Variants in C3 observed in about 807,000 individuals in gnomAD.
C3 encodes the protein complement C3.
Under a neutral mutation model 207.9 loss-of-function variants are expected in C3, and 97 were observed. The observed-to-expected ratio is 0.47, with a 90% CI of 0.40 to 0.55. The LOEUF (loss-of-function observed/expected upper bound fraction) is 0.55. Ranked by LOEUF, C3 falls within the 20% of genes least tolerant of loss-of-function variation. C3 has a pLI of 0.00. For missense variants in C3, 1,684 were observed against 2,171.7 expected, an observed-to-expected ratio of 0.78 and a Z score of 4.46; for synonymous variants, 848 against 857.6, an observed-to-expected ratio of 0.99 and a Z score of 0.20.
Position 6,707,544 on chromosome 19 carries a change from G to C in C3, c.1976-7C>G. On this transcript the variant is annotated splice_region_variant and splice_polypyrimidine_tract_variant and intron_variant, in intron 15 of 40. Coordinates refer to ENST00000245907, the MANE Select transcript of C3 (RefSeq NM_000064.4). ...GGCTGCGGGCACTGAAGTTCTGCAG[G>C]GCAGGCGGACCGAGAAGAAGATGGA... is the stretch of plus-strand genomic sequence containing the variant. 6.2e-7 allele frequency: 1 copy of C among 1,614,030 alleles called. No homozygotes were observed. The highest frequency in any genetic ancestry group is 1.1e-5 in the South Asian group (1 of 91,080).
chr19:6,684,980 G>A lies in C3; in HGVS notation c.3969+8C>T. 4 of 1,613,478 alleles carry A rather than the reference G, an allele frequency of 2.5e-6. No homozygotes were observed. The highest frequency in any genetic ancestry group is 3.4e-6 in the Non-Finnish European group (4 of 1,180,002). ...CAGAGTGAGGAGGGCTTGGCTGGGT[G>A]ACTGTACCTCTTCTGATCGCAGGAG... On this transcript the variant is annotated splice_region_variant and intron_variant, in intron 30 of 40. Transcript: ENST00000245907.
chr19:6,682,164 G>A lies in C3; in HGVS notation c.4238C>T (p.Pro1413Leu). 2 of 1,613,984 alleles carry A rather than the reference G, an allele frequency of 1.2e-6. No homozygotes were observed. Among genetic ancestry groups the A allele is most frequent in the Non-Finnish European group, 1.7e-6 (2 of 1,179,876 alleles). ...LDISMMTGFA[P>L]DTDDLKQLAN... ...TACCTGCTTCAGGTCATCTGTGTCTGGAGCAAAGCCAGTCATCATGGATAT... is the reference window on the plus strand; with the variant it reads ...TACCTGCTTCAGGTCATCTGTGTCTAGAGCAAAGCCAGTCATCATGGATAT... Residue 1413 changes from proline (P) to leucine (L), a missense_variant, in exon 34 of 41, where the codon CCA (proline) becomes CTA (leucine). Physicochemically the swap from Pro to Leu is moderately conservative, Grantham distance 98 (BLOSUM62 -3). Coordinates refer to ENST00000245907, the MANE Select transcript of C3 (RefSeq NM_000064.4).
At chr19:6,689,961 G>A (rs1298534407) in intron 27 of C3, among the ~76,000 whole-genome samples, 1 of 152,114 alleles carries the variant, frequency 6.6e-6, no homozygotes, top group Non-Finnish European at 1.5e-5. Context: ...CAGCCTGGGC[G>A]ACAGAGTGAG....
intron 19 of C3, 45 bp downstream of exon 19, chr19:6,702,082 C>T (rs1349156395): frequency 9.8e-7 from 1 of 1,020,484 alleles, no homozygotes; most frequent in Non-Finnish European, 1.6e-6. Flanking sequence ...ACTCAGACAC[C>T]CTGGGGTCCC....
Position 6,678,024 on chromosome 19 carries a change from C to G in C3, c.4851-1G>C, listed in dbSNP as rs112179814. ...GTCCTTCCCGATGATGTAGCTGAGG[C>G]TGGAGGGAAGAATGGCAGGTCAGGA... On this transcript the variant is annotated splice_acceptor_variant, in intron 40 of 40. Coordinates refer to ENST00000245907, the MANE Select transcript of C3 (RefSeq NM_000064.4). LOFTEE classifies it high-confidence loss of function. 3 of 1,614,090 alleles carry G rather than the reference C, an allele frequency of 1.9e-6. No homozygotes were observed. The highest frequency in any genetic ancestry group is 2.5e-6 in the Non-Finnish European group (3 of 1,180,016).
At chr19:6,704,576 C>A (rs925862168) in intron 17 of C3, among the ~76,000 whole-genome samples, 2 of 151,966 alleles carry the variant, frequency 1.3e-5, no homozygotes, top group African/African-American at 4.8e-5. Flanking sequence ...CTGGCCAACA[C>A]GGTGAAACCT....
chr19:6,710,587 AGAGAG>A, intron 13 of C3, 47 bp downstream of exon 13: 2 of 1,371,190 alleles, frequency 1.5e-6, no homozygotes, highest in Non-Finnish European at 2.1e-6. Context: ...AGAGAGAGAG[AGAGAG>A]GAGTAGGGAG....
chr19:6,707,899 C>A lies in C3; in HGVS notation c.1876G>T (p.Gly626Cys). The A allele has an allele frequency of 6.2e-7, 1 of 1,613,944 alleles. No individual in the cohort carries two copies. The highest frequency in any genetic ancestry group is 8.5e-7 in the Non-Finnish European group (1 of 1,180,022). Residue 626 changes from glycine to cysteine, a missense_variant, in exon 15 of 41, where the codon GGC (glycine) becomes TGC (cysteine). Around this residue, in one of 3 missense-constraint regions of C3, gnomAD observed 1,280 missense variants for 1,739.1 expected, o/e 0.74. Transcript: ENST00000245907. Reference protein sequence around the residue: ...IWDVVEKADIGCTPGSGKDYA... With the variant: ...IWDVVEKADICCTPGSGKDYA... ...TCCTTCCCACTGCCCGGGGTGCAGCCGATGTCTGCCTTCTCCACCACGTCC... is the reference window on the plus strand; with the variant it reads ...TCCTTCCCACTGCCCGGGGTGCAGCAGATGTCTGCCTTCTCCACCACGTCC...
chr19:6,718,353 C>A lies in C3; in HGVS notation c.327G>T (p.Gln109His). The stretch of plus-strand genomic sequence containing the variant: ...CCACCACTTGGGTCCCGAAGGTGGC[C>A]TGCACGGTCACGAACTTGTTGCGCC... ...EKGRNKFVTV[Q>H]ATFGTQVVEK... The change falls in exon 3 of 41, where the codon CAG becomes CAT. Residue 109 changes from glutamine (Q) to histidine (H), a missense_variant. By Grantham distance (24) the Gln-to-His change is conservative (BLOSUM62 0). Transcript: ENST00000245907. 6.2e-7 allele frequency: 1 copy of A among 1,614,250 alleles called. No individual in the cohort carries two copies. Among genetic ancestry groups the A allele is most frequent in the South Asian group, 1.1e-5 (1 of 91,088 alleles).
chr19:6,714,618 C>G (rs551788691), intron 4 of C3, among the ~76,000 whole-genome samples, 172 bp from the exon 5 acceptor site: 3 of 152,196 alleles, frequency 2.0e-5, no homozygotes, highest in Non-Finnish European at 4.4e-5. Flanking sequence ...TCCCAGCACT[C>G]TGGGAGGCTG....
At chr19:6,690,599 G>C in intron 27 of C3, 30 bp downstream of exon 27, 1 of 1,567,548 alleles carries the variant, frequency 6.4e-7, no homozygotes, top group South Asian at 1.1e-5. Flanking sequence ...GGGTAAGGTA[G>C]GGTAGGGTGG....
chr19:6,686,048 G>A (rs1228036924), intron 29 of C3, 76 bp downstream of exon 29: 2 of 1,444,014 alleles, frequency 1.4e-6, no homozygotes, highest in Admixed American at 1.7e-5. Flanking sequence ...CTGGGCCTCA[G>A]TGTCTTCTCT....
intron 17 of C3, among the ~76,000 whole-genome samples, chr19:6,703,905 G>A (rs144062518): frequency 1.7e-4 from 26 of 152,124 alleles, no homozygotes; most frequent in African/African-American, 3.6e-4. Flanking sequence ...CCGAGACTGC[G>A]CAACTGCACT....
chr19:6,684,132 T>C, intron 33 of C3: 1 of 557,310 alleles, frequency 1.8e-6, no homozygotes, highest in Non-Finnish European at 3.2e-6. Context: ...TTAAAGGTCA[T>C]GGAATGATTG....
rs199717612 is a variant in C3 at position 6,707,792 on chromosome 19, G to A, written c.1975+8C>T. The A allele has an allele frequency of 3.0e-5, 49 of 1,613,038 alleles. No homozygotes were observed. The highest frequency in any genetic ancestry group is 1.1e-5 in the South Asian group (1 of 91,050). Reference sequence around the variant, plus strand: ...TGTCCCTGCACCGGCCCCTGGTGGCGACCTCACCTGCCCTCTGGGCGGTCT... The same window carrying A: ...TGTCCCTGCACCGGCCCCTGGTGGCAACCTCACCTGCCCTCTGGGCGGTCT... On this transcript the variant is annotated splice_region_variant and intron_variant, in intron 15 of 40. Coordinates refer to ENST00000245907, the MANE Select transcript of C3 (RefSeq NM_000064.4).
chr19:6,718,168 G>C lies in C3; in HGVS notation c.434-4C>G, dbSNP rs878980204. Reference sequence around the variant, plus strand: ...ACGGTGAAGATCCGATAGAGAACTGGGGAGAGACAAAGAGGCCTCGTGAGA... The same window carrying C: ...ACGGTGAAGATCCGATAGAGAACTGCGGAGAGACAAAGAGGCCTCGTGAGA... On this transcript the variant is annotated splice_region_variant and splice_polypyrimidine_tract_variant and intron_variant, in intron 3 of 40. Transcript: ENST00000245907. 6.2e-7 allele frequency: 1 copy of C among 1,614,164 alleles called. No homozygotes were observed. Among genetic ancestry groups the C allele is most frequent in the Non-Finnish European group, 8.5e-7 (1 of 1,180,028 alleles).
At chr19:6,687,862 T>G (rs1032299852) in intron 27 of C3, among the ~76,000 whole-genome samples, 2 of 141,326 alleles carry the variant, frequency 1.4e-5, no homozygotes, top group African/African-American at 5.7e-5. Context: ...TGTTGTTGCT[T>G]TTTTTTTTTT....
At chr19:6,694,353 G>A (rs1918252608) in intron 24 of C3, 78 bp downstream of exon 24, 5 of 1,326,716 alleles carry the variant, frequency 3.8e-6, no homozygotes, top group Non-Finnish European at 5.4e-6. Context: ...GCGTGGTCTT[G>A]AGATGAGGTG....
At position 6,713,280 on chromosome 19, in the gene C3, C is replaced by T. The variant is rs2230201; in HGVS notation, c.912G>A (p.Arg304=). 0.17 allele frequency: 273,483 copies of T among 1,613,380 alleles called. 25,448 individuals are homozygous for T. The highest frequency in any genetic ancestry group is 0.43 in the East Asian group (19,342 of 44,842). ...EDGSGEVVLS[R]KVLLDGVQNP... ...TCTGCACCCCGTCCAGCAGTACCTTCCGGCTCAGCACAACCTCCCCCGAGC... is the reference window on the plus strand; with the variant it reads ...TCTGCACCCCGTCCAGCAGTACCTTTCGGCTCAGCACAACCTCCCCCGAGC... Residue 304 remains arginine, a synonymous_variant, in exon 9 of 41, where the codon CGG becomes CGA. Transcript: ENST00000245907.
Sources: gnomAD v4.1 joint callset for allele counts (sites outside exome capture counted in the v4.1 genomes callset) on GRCh38, gnomAD v4.1.1 for gene constraint, gnomAD v4.1.1 regional missense constraint, MANE v1.5 for transcripts, NCBI Gene and HGNC (gene_info 2026-07-23, HGNC 2026-07-21) for gene names.